The following BZW2 variants were observed in gnomAD, a reference collection of about 807,000 sequenced individuals.
BZW2 encodes the protein eIF5-mimic protein 1.
A neutral mutation model predicts 53.2 loss-of-function variants in BZW2; 23 were observed. The observed-to-expected ratio is 0.43, with a 90% CI of 0.31 to 0.61. The LOEUF (loss-of-function observed/expected upper bound fraction) is 0.61. BZW2 is among the 20% of genes least tolerant of loss of function. The pLI is 0.09. For synonymous variants in BZW2, 227 were observed against 186.4 expected, an observed-to-expected ratio of 1.22 and a Z score of -1.77; for missense variants, 409 against 503.1, an observed-to-expected ratio of 0.81 and a Z score of 1.79.
intron 3 of BZW2, among the ~76,000 whole-genome samples, chr7:16,679,563 C>G (rs1562487446): frequency 6.6e-6 from 1 of 152,208 alleles, no homozygotes; most frequent in African/African-American, 2.4e-5. Flanking sequence ...GAAAGTATAA[C>G]TTGATTGAAT....
intron 1 of BZW2, among the ~76,000 whole-genome samples, chr7:16,665,159 A>G (rs1782383703): frequency 1.3e-5 from 2 of 152,314 alleles, no homozygotes; most frequent in Middle Eastern, 3.4e-3. Context: ...TACAAAAATT[A>G]GCTGGGCGTG....
intron 1 of BZW2, among the ~76,000 whole-genome samples, chr7:16,654,171 A>C (rs1345369582): frequency 2.6e-5 from 4 of 151,456 alleles, no homozygotes; most frequent in Admixed American, 6.6e-5. Context: ...CAGAGTTTGC[A>C]GTGAGCTGAG....
At chr7:16,671,335 C>T (rs748856598) in intron 2 of BZW2, among the ~76,000 whole-genome samples, 13 of 152,072 alleles carry the variant, frequency 8.5e-5, no homozygotes, top group Non-Finnish European at 1.9e-4. Context: ...TAAAAAATAA[C>T]GTTATTTTGT....
intron 2 of BZW2, among the ~76,000 whole-genome samples, chr7:16,665,755 G>A (rs965125990): frequency 6.6e-6 from 1 of 152,174 alleles, no homozygotes; most frequent in East Asian, 1.9e-4. Context: ...TGTCTTAGGA[G>A]GTTATGAAGG....
In BZW2 at chr7:16,689,926, A is replaced by C; in HGVS notation, c.651+20A>C. 6.3e-7 allele frequency: 1 copy of C among 1,590,420 alleles called. No individual in the cohort carries two copies. The highest frequency in any genetic ancestry group is 1.1e-5 in the South Asian group (1 of 89,148). ...CTGCTTGTAAGTGTTTTCTGGTTAA[A>C]GAGTTGTATGTATGATGCCTTTCTT... On this transcript the variant is annotated intron_variant, in intron 7 of 11. Transcript: ENST00000258761.
chr7:16,680,273 G>T (rs1350298242), intron 3 of BZW2, among the ~76,000 whole-genome samples: 1 of 152,182 alleles, frequency 6.6e-6, no homozygotes, highest in Non-Finnish European at 1.5e-5. Context: ...AAAGAACTAT[G>T]TCCTGGAGTG....
chr7:16,684,304 G>T (rs1262716446), intron 5 of BZW2, among the ~76,000 whole-genome samples: 1 of 152,200 alleles, frequency 6.6e-6, no homozygotes, highest in Non-Finnish European at 1.5e-5. Flanking sequence ...TGGAGATGGA[G>T]ACTGTTGTAG....
At chr7:16,663,179 A>G (rs189142413) in intron 1 of BZW2, among the ~76,000 whole-genome samples, 43 of 152,344 alleles carry the variant, frequency 2.8e-4, no homozygotes, top group Admixed American at 2.5e-3. Context: ...AGTTTATAGC[A>G]TTTGTAATGA....
intron 1 of BZW2, among the ~76,000 whole-genome samples, chr7:16,646,885 G>GA (rs1351024692): frequency 6.6e-6 from 1 of 152,176 alleles, no homozygotes; most frequent in Non-Finnish European, 1.5e-5. Context: ...GTGGGAGGGG[G>GA]AAGGAAGGGC....
intron 2 of BZW2, among the ~76,000 whole-genome samples, chr7:16,666,073 G>A (rs983639306): frequency 5.3e-5 from 8 of 151,870 alleles, no homozygotes; most frequent in Admixed American, 2.0e-4. Flanking sequence ...GTTCATCTTA[G>A]CATTCTTTTT....
chr7:16,704,642 G>T lies in BZW2; in HGVS notation c.1204G>T (p.Val402Phe), dbSNP rs1401114132. Residue 402 changes from valine (V) to phenylalanine (F), a missense_variant, in exon 11 of 12, where the codon GTT becomes TTT. Physicochemically the swap from Val to Phe is conservative, Grantham distance 50 (BLOSUM62 -1). Around this residue, in one of 3 missense-constraint regions of BZW2, gnomAD observed 88 missense variants for 114.6 expected, o/e 0.77. Transcript: ENST00000258761. ...TTTTCTTGACCAGATGAAGAAATTT[G>T]TTGAGTGGTTACAAAATGCAGAAGA... ...SVFLDQMKKF[V>F]EWLQNAEEES... 2 of 1,589,822 alleles carry T rather than the reference G, an allele frequency of 1.3e-6. No homozygotes were observed. Among genetic ancestry groups the T allele is most frequent in the Non-Finnish European group, 1.7e-6 (2 of 1,161,602 alleles).
At chr7:16,701,155 C>A (rs1280475788) in intron 10 of BZW2, among the ~76,000 whole-genome samples, 1 of 152,088 alleles carries the variant, frequency 6.6e-6, no homozygotes. Context: ...GGTCATTTTG[C>A]AAAGACTCTC....
At chr7:16,683,799 C>A (rs1266871784) in intron 5 of BZW2, among the ~76,000 whole-genome samples, 1 of 152,268 alleles carries the variant, frequency 6.6e-6, no homozygotes, top group African/African-American at 2.4e-5. Flanking sequence ...AAGTAAAAAA[C>A]CAAGTGAAAA....
chr7:16,688,037 T>G (rs191168869), intron 6 of BZW2, among the ~76,000 whole-genome samples: 1 of 152,290 alleles, frequency 6.6e-6, no homozygotes, highest in East Asian at 1.9e-4. Context: ...TTTTGTTTTT[T>G]TTTTAACTTA....
intron 3 of BZW2, among the ~76,000 whole-genome samples, chr7:16,680,008 A>G (rs1353611206): frequency 6.6e-6 from 1 of 152,174 alleles, no homozygotes; most frequent in African/African-American, 2.4e-5. Flanking sequence ...TCCATGGGGA[A>G]AAAAAGATGA....
chr7:16,697,517 G>A (rs1358551641), intron 9 of BZW2, among the ~76,000 whole-genome samples: 7 of 152,176 alleles, frequency 4.6e-5, no homozygotes, highest in African/African-American at 1.7e-4. Context: ...ATAGCAGTGA[G>A]TAAACTGTCC....
chr7:16,676,245 C>T (rs868146759), intron 3 of BZW2, among the ~76,000 whole-genome samples: 15 of 152,190 alleles, frequency 9.9e-5, no homozygotes, highest in South Asian at 2.1e-4. Context: ...TAAAGCCAAA[C>T]GGATGTTAAA....
chr7:16,703,629 C>T (rs551750295), intron 10 of BZW2, among the ~76,000 whole-genome samples: 2 of 152,228 alleles, frequency 1.3e-5, no homozygotes, highest in African/African-American at 2.4e-5. Context: ...TTTTCTGTCT[C>T]GTTTCCCACT....
intron 10 of BZW2, among the ~76,000 whole-genome samples, chr7:16,698,436 G>GT (rs1209216691): frequency 7.9e-5 from 12 of 152,100 alleles, no homozygotes; most frequent in African/African-American, 2.9e-4. Context: ...ACTGGTAATT[G>GT]TTTCTTGGGG....
Sources: gnomAD v4.1 joint callset for allele counts (sites outside exome capture counted in the v4.1 genomes callset) on GRCh38, gnomAD v4.1.1 for gene constraint, gnomAD v4.1.1 regional missense constraint, MANE v1.5 for transcripts, NCBI Gene and HGNC (gene_info 2026-07-23, HGNC 2026-07-21) for gene names.